The following TENT2 variants were observed in gnomAD, a reference collection of about 807,000 sequenced individuals.
TENT2 encodes terminal nucleotidyltransferase 2.
Under a neutral mutation model 72.2 loss-of-function variants are expected in TENT2, and 44 were observed. The ratio of observed to expected loss-of-function variants is 0.61; its 90% CI spans 0.48 to 0.78. TENT2 has a LOEUF of 0.78. Ranked by LOEUF, TENT2 falls within the 30% of genes least tolerant of loss-of-function variation. TENT2 has a pLI of 0.00. For synonymous variants in TENT2, 212 were observed against 192.5 expected (o/e 1.10, Z -0.84); for missense variants, 541 against 569.6 (o/e 0.95, Z 0.51).
At chr5:79,636,200 A>G (rs748926447) in intron 4 of TENT2, among the ~76,000 whole-genome samples, 7 of 152,172 alleles carry the variant, frequency 4.6e-5, no homozygotes, top group Non-Finnish European at 7.3e-5. Flanking sequence ...AAACTTGGAC[A>G]CTTTTCTTTT....
intron 7 of TENT2, 161 bp from the exon 8 acceptor site, chr5:79,644,962 A>G (rs140082068): frequency 3.6e-6 from 2 of 551,834 alleles, no homozygotes; most frequent in African/African-American, 2.0e-5. Context: ...GGAGCCTCCA[A>G]CCTTAGAAGA....
intron 4 of TENT2, among the ~76,000 whole-genome samples, chr5:79,640,049 G>A (rs1783169175): frequency 6.6e-6 from 1 of 152,154 alleles, no homozygotes. Context: ...TTGAGGTCAG[G>A]GGTTCGAGAG....
intron 11 of TENT2, among the ~76,000 whole-genome samples, chr5:79,665,836 CTT>C (rs1467481301): frequency 6.6e-6 from 1 of 151,936 alleles, no homozygotes; most frequent in East Asian, 1.9e-4. Context: ...CTTTTTTTCT[CTT>C]TGACTTTTTG....
Position 79,667,190 on chromosome 5 carries a change from A to G in TENT2, c.1072-1702A>G, listed in dbSNP as rs577785643. ...GGAAGTACAATCATTTTTAGACTTC[A>G]GATAAGAAAGTGACTTCTGTTTTAG... On this transcript the variant is annotated intron_variant, in intron 11 of 14. Coordinates refer to ENST00000453514, the MANE Select transcript of TENT2 (RefSeq NM_001114394.3). 1.1e-4 allele frequency among the ~76,000 whole-genome samples: 16 copies of G among 152,346 alleles called. No homozygotes were observed. In the East Asian group the frequency reaches 2.7e-3, roughly 26 times the overall value.
At chr5:79,668,819 T>A (rs1349764548) in intron 11 of TENT2, 73 bp from the exon 12 acceptor site, 5 of 1,475,362 alleles carry the variant, frequency 3.4e-6, no homozygotes, top group Non-Finnish European at 4.6e-6. Context: ...AGGAGCCTAG[T>A]TCAGGATTTA....
intron 1 of TENT2, among the ~76,000 whole-genome samples, chr5:79,615,617 A>G (rs1759062160): frequency 2.0e-5 from 3 of 152,164 alleles, no homozygotes; most frequent in South Asian, 4.1e-4. Flanking sequence ...GAACCAGAGT[A>G]AAAAAGGCCA....
Position 79,623,286 on chromosome 5 carries a change from G to C in TENT2, c.262G>C (p.Gly88Arg), listed in dbSNP as rs751289067. Residue 88 changes from glycine (G) to arginine (R), a missense_variant, in exon 4 of 15, where the codon GGT (glycine) becomes CGT (arginine). Coordinates refer to ENST00000453514, the MANE Select transcript of TENT2 (RefSeq NM_001114394.3). The part of the protein sequence containing the change: ...LSDEKNLPLD[G>R]KRQRFHSPHQ... Reference sequence around the variant, plus strand: ...CGATGAAAAAAACCTTCCTCTTGACGGTAAACGGCAACGTTTCCATTCACC... The same window carrying C: ...CGATGAAAAAAACCTTCCTCTTGACCGTAAACGGCAACGTTTCCATTCACC... 1 of 1,612,254 alleles carries C rather than the reference G, an allele frequency of 6.2e-7. No individual in the cohort carries two copies. Among genetic ancestry groups the C allele is most frequent in the East Asian group, 2.2e-5 (1 of 44,806 alleles).
chr5:79,612,503 GACTTTTTGCTCT>G lies in TENT2; in HGVS notation c.-609_-598del. 1 of 152,970 alleles carries G rather than the reference GACTTTTTGCTCT, an allele frequency of 6.5e-6. No homozygotes were observed. The highest frequency in any genetic ancestry group is 1.5e-5 in the Non-Finnish European group (1 of 68,306). 9.5% of individuals were successfully genotyped at this position (152,970 alleles called of 1,614,324 possible). The stretch of plus-strand genomic sequence containing the variant: ...GGGTTTTCTACGCCGCTTTTTCGGC[GACTTTTTGCTCT>G]TCCGCTTTTTGCCACCGCCCCCAAC... On this transcript the variant is annotated 5_prime_UTR_variant, in exon 1 of 15. Transcript: ENST00000453514.
chr5:79,619,890 C>A (rs1292274457), intron 2 of TENT2, 104 bp from the exon 3 acceptor site: 1 of 1,473,270 alleles, frequency 6.8e-7, no homozygotes. Context: ...TATGTCGTCA[C>A]ATTTTTTTTT....
chr5:79,619,999 C>T lies in TENT2; in HGVS notation c.143C>T (p.Ser48Phe). ...AQFNFQNADLSRAVSLQQLTY... is the reference protein window; with the variant it reads ...AQFNFQNADLFRAVSLQQLTY... The stretch of plus-strand genomic sequence containing the variant: ...CTTTTCTTTGATTTTGTTAGCTTGT[C>T]TAGAGCTGTGTCATTACAGCAGCTG... The change falls in exon 3 of 15, where the codon TCT (serine) becomes TTT (phenylalanine). Residue 48 changes from serine (S) to phenylalanine (F), a missense_variant. Transcript: ENST00000453514. The T allele has an allele frequency of 6.2e-7, 1 of 1,606,230 alleles. No homozygotes were observed. Among genetic ancestry groups the T allele is most frequent in the South Asian group, 1.1e-5 (1 of 89,656 alleles).
chr5:79,617,872 CT>C (rs1241519339), intron 1 of TENT2, among the ~76,000 whole-genome samples: 1 of 152,020 alleles, frequency 6.6e-6, no homozygotes, highest in Non-Finnish European at 1.5e-5. Flanking sequence ...TATAAACTTC[CT>C]TTTTTTGTGT....
intron 4 of TENT2, among the ~76,000 whole-genome samples, chr5:79,623,799 T>G (rs1767025940): frequency 6.6e-6 from 1 of 151,524 alleles, no homozygotes; most frequent in Admixed American, 6.6e-5. Context: ...AAAGTTGTCA[T>G]ATAGCTATTG....
intron 10 of TENT2, among the ~76,000 whole-genome samples, chr5:79,649,696 C>G (rs990105457): frequency 6.6e-6 from 1 of 151,924 alleles, no homozygotes; most frequent in Non-Finnish European, 1.5e-5. Context: ...TTTATGAGGC[C>G]ATTCTGGTAA....
At chr5:79,648,998 T>C in intron 9 of TENT2, 64 bp from the exon 10 acceptor site, 2 of 1,523,834 alleles carry the variant, frequency 1.3e-6, no homozygotes, top group Non-Finnish European at 1.8e-6. Flanking sequence ...AGCTGGGAAA[T>C]GATGTAAACT....
intron 1 of TENT2, among the ~76,000 whole-genome samples, chr5:79,616,323 C>A (rs1395981261): frequency 6.6e-6 from 1 of 151,728 alleles, no homozygotes; most frequent in Admixed American, 6.6e-5. Flanking sequence ...CCCAGCCTCC[C>A]AAGTAGCTGG....
chr5:79,621,153 A>G (rs377333490), intron 3 of TENT2, among the ~76,000 whole-genome samples: 14 of 152,256 alleles, frequency 9.2e-5, no homozygotes, highest in African/African-American at 3.1e-4. Flanking sequence ...ATTATGTAGT[A>G]ATCATTATTT....
At chr5:79,654,446 A>T (rs1055816220) in intron 10 of TENT2, among the ~76,000 whole-genome samples, 5 of 152,004 alleles carry the variant, frequency 3.3e-5, no homozygotes, top group Non-Finnish European at 5.9e-5. Context: ...AAAAAAAGTA[A>T]TGAAAAAGGT....
intron 4 of TENT2, among the ~76,000 whole-genome samples, chr5:79,633,857 T>C (rs922279602): frequency 7.9e-5 from 12 of 151,156 alleles, no homozygotes; most frequent in Admixed American, 4.0e-4. Context: ...TTGGTACATA[T>C]AAAAACTTTT....
chr5:79,623,287 G>T lies in TENT2; in HGVS notation c.263G>T (p.Gly88Val), dbSNP rs950557485. The change falls in exon 4 of 15, where the codon GGT becomes GTT. Residue 88 changes from glycine (G) to valine (V), a missense_variant. Transcript: ENST00000453514. ...GATGAAAAAAACCTTCCTCTTGACG[G>T]TAAACGGCAACGTTTCCATTCACCC... is the stretch of plus-strand genomic sequence containing the variant. ...LSDEKNLPLD[G>V]KRQRFHSPHQ... 2.5e-6 allele frequency: 4 copies of T among 1,612,506 alleles called. No individual in the cohort carries two copies. In the African/African-American group the frequency reaches 5.4e-5, roughly 22 times the overall value.
Sources: allele counts gnomAD v4.1 joint callset (sites outside exome capture counted in the v4.1 genomes callset), GRCh38; gene constraint gnomAD v4.1.1; transcripts MANE v1.5; gene names NCBI Gene and HGNC (gene_info 2026-07-23, HGNC 2026-07-21).